UMAD1: variants seen among roughly 807,000 people sequenced by gnomAD.
UMAD1 encodes UBAP1-MVB12-associated (UMA) domain containing 1, also known as UBAP1-MVB12-associated (UMA)-domain containing protein 1.
A neutral mutation model predicts 6.1 loss-of-function variants in UMAD1; 8 were observed. The observed-to-expected ratio is 1.30, with a 90% CI of 0.76 to 2.35. UMAD1 has a LOEUF of 2.35. Among genes scored for constraint, UMAD1 ranks in the 30% most tolerant of loss-of-function variants. The probability of loss-of-function intolerance (pLI) is 0.00; values close to 1 mark genes in which losing one functional copy is unlikely to be tolerated. For synonymous variants in UMAD1, 56 were observed against 31.4 expected, an observed-to-expected ratio of 1.78 and a Z score of -2.61; for missense variants, 130 against 78.4, an observed-to-expected ratio of 1.66 and a Z score of -2.49.
chr7:7,641,388 G>C (rs754135934), intron 1 of UMAD1: 1 of 152,274 alleles, frequency 6.6e-6, no homozygotes, highest in South Asian at 2.1e-4. Flanking sequence ...GGTTCCCCGA[G>C]CTAGGGTTCT....
chr7:7,739,346 G>A (rs769648968), intron 2 of UMAD1, among the ~76,000 whole-genome samples: 3 of 152,170 alleles, frequency 2.0e-5, no homozygotes, highest in East Asian at 1.9e-4. Flanking sequence ...GTAAGTTACT[G>A]TAGCCTTAGG....
intron 2 of UMAD1, among the ~76,000 whole-genome samples, chr7:7,695,476 T>A (rs538549176): frequency 6.6e-6 from 1 of 152,360 alleles, no homozygotes; most frequent in East Asian, 1.9e-4. Flanking sequence ...TAATTTTTAT[T>A]ACATGTTTCT....
chr7:7,699,050 G>T (rs886970455), intron 2 of UMAD1, among the ~76,000 whole-genome samples: 30 of 53,576 alleles, frequency 5.6e-4, no homozygotes, highest in African/African-American at 1.5e-3. Flanking sequence ...GTGTGTGTGT[G>T]GGGGGGGGGT....
At chr7:7,775,913 A>G (rs1391831710) in intron 2 of UMAD1, among the ~76,000 whole-genome samples, 1 of 152,198 alleles carries the variant, frequency 6.6e-6, no homozygotes, top group African/African-American at 2.4e-5. Flanking sequence ...ATGAGTGTAT[A>G]ATGTTGGAAA....
intron 1 of UMAD1, among the ~76,000 whole-genome samples, chr7:7,651,455 T>A (rs992766280): frequency 1.1e-4 from 16 of 152,206 alleles, no homozygotes; most frequent in African/African-American, 3.6e-4. Flanking sequence ...GGCTTGAGGC[T>A]GGGGCCTTTG....
At chr7:7,760,237 A>G (rs1338768484) in intron 2 of UMAD1, among the ~76,000 whole-genome samples, 1 of 151,922 alleles carries the variant, frequency 6.6e-6, no homozygotes, top group Non-Finnish European at 1.5e-5. Context: ...TTGTCCTTCA[A>G]CTGTTTTCTG....
intron 2 of UMAD1, among the ~76,000 whole-genome samples, chr7:7,752,489 A>G (rs138228258): frequency 1.1e-3 from 170 of 152,208 alleles, no homozygotes; most frequent in African/African-American, 4.0e-3. Flanking sequence ...ACTTTGAAAT[A>G]CCCTGAAATT....
chr7:7,665,939 G>A (rs1779442042), intron 1 of UMAD1, among the ~76,000 whole-genome samples: 3 of 151,442 alleles, frequency 2.0e-5, no homozygotes, highest in Non-Finnish European at 4.4e-5. Context: ...CCTGTTATTG[G>A]ACATTTGGGT....
At chr7:7,750,751 G>A (rs895066011) in intron 2 of UMAD1, among the ~76,000 whole-genome samples, 2 of 152,164 alleles carry the variant, frequency 1.3e-5, no homozygotes, top group Non-Finnish European at 2.9e-5. Flanking sequence ...AAATCACACA[G>A]CTAGAACATG....
rs570777029 is a variant in UMAD1 at position 7,644,395 on chromosome 7, A to G, written c.-64+3574A>G. Among the ~76,000 whole-genome samples the G allele has an allele frequency of 2.0e-5, 3 of 149,760 alleles. No individual in the cohort carries two copies. The South Asian group carries it at 6.3e-4, about 31-fold the overall frequency. ...TAGGAAGACCTCTTTTAATATAGTTAAACATTTTCCCCCTTAAGTTTAATG... is the reference window on the plus strand; with the variant it reads ...TAGGAAGACCTCTTTTAATATAGTTGAACATTTTCCCCCTTAAGTTTAATG... On this transcript the variant is annotated intron_variant, in intron 1 of 3. Transcript: ENST00000682710.
At chr7:7,858,107 A>G (rs1190356714) in intron 3 of UMAD1, among the ~76,000 whole-genome samples, 2 of 152,202 alleles carry the variant, frequency 1.3e-5, no homozygotes, top group Non-Finnish European at 2.9e-5. Context: ...TAAAGGAAAA[A>G]TTAAATTAGA....
chr7:7,862,040 G>C (rs1487844017), intron 3 of UMAD1, among the ~76,000 whole-genome samples: 1 of 152,010 alleles, frequency 6.6e-6, no homozygotes, highest in Non-Finnish European at 1.5e-5. Context: ...ATCATACTTA[G>C]GTTATGAGAA....
chr7:7,653,078 T>A (rs6980052), intron 1 of UMAD1, among the ~76,000 whole-genome samples: 3,814 of 152,316 alleles, frequency 0.025, 52 homozygotes, highest in South Asian at 0.05. Flanking sequence ...TTTAGATGTG[T>A]TTTATGATAT....
intron 3 of UMAD1, among the ~76,000 whole-genome samples, chr7:7,824,973 A>G (rs34742932): frequency 0.23 from 35,491 of 152,038 alleles, 4,357 homozygotes; most frequent in African/African-American, 0.3. Context: ...TAGAATAAAT[A>G]AAGTAGGCCC....
intron 2 of UMAD1, among the ~76,000 whole-genome samples, chr7:7,758,256 A>G (rs1435403468): frequency 2.6e-5 from 4 of 151,806 alleles, no homozygotes; most frequent in Non-Finnish European, 5.9e-5. Context: ...TGAGAACTAG[A>G]GTCGTCTTTG....
intron 2 of UMAD1, among the ~76,000 whole-genome samples, chr7:7,696,337 T>C (rs1266391091): frequency 6.6e-6 from 1 of 151,610 alleles, no homozygotes; most frequent in Non-Finnish European, 1.5e-5. Flanking sequence ...TGTGGTCTGA[T>C]GGTGAAGTAT....
At chr7:7,656,093 C>T (rs904603557) in intron 1 of UMAD1, among the ~76,000 whole-genome samples, 4 of 151,996 alleles carry the variant, frequency 2.6e-5, no homozygotes, top group Non-Finnish European at 4.4e-5. Context: ...CCTCTGCCTC[C>T]CAAAGTACTG....
At chr7:7,847,104 AATATATATAT>A (rs1170307529) in intron 3 of UMAD1, among the ~76,000 whole-genome samples, 73 of 6,488 alleles carry the variant, frequency 0.011, no homozygotes, top group Non-Finnish European at 0.014. Context: ...AAAAAAAAAA[AATATATATAT>A]ATATATATAT....
At position 7,816,488 on chromosome 7, in the gene UMAD1, C is replaced by G. The variant is rs186038564; in HGVS notation, c.156+14745C>G. ...CGGGAGAGGAAGAAGTGGTGCTTCT[C>G]TCTTATCACCGCCACTCAGAGGTGG... On this transcript the variant is annotated intron_variant, in intron 3 of 3. Transcript: ENST00000682710. Among the ~76,000 whole-genome samples, 356 of 152,310 alleles carry G rather than the reference C, an allele frequency of 2.3e-3. 2 individuals are homozygous for G. Among genetic ancestry groups the G allele is most frequent in the African/African-American group, 8.3e-3 (343 of 41,556 alleles).
Sources: gnomAD v4.1 joint callset for allele counts (sites outside exome capture counted in the v4.1 genomes callset) on GRCh38, gnomAD v4.1.1 for gene constraint, MANE v1.5 for transcripts, NCBI Gene and HGNC (gene_info 2026-07-23, HGNC 2026-07-21) for gene names.